CNTN1: variants seen among roughly 807,000 people sequenced by gnomAD.
The protein encoded by CNTN1 is contactin-1.
Under a neutral mutation model 126.4 loss-of-function variants are expected in CNTN1, and 38 were observed. That is an observed-to-expected ratio of 0.30 (90% CI 0.23 to 0.39). The LOEUF is 0.39. CNTN1 is among the 10% of genes least tolerant of loss of function. CNTN1 has a pLI of 1.00. For synonymous variants in CNTN1, 413 were observed against 422.6 expected, an observed-to-expected ratio of 0.98 and a Z score of 0.28; for missense variants, 1,009 against 1,248.4, an observed-to-expected ratio of 0.81 and a Z score of 2.89.
At chr12:41,022,619 AGAT>A (rs777797515) in intron 20 of CNTN1, among the ~76,000 whole-genome samples, 16 of 152,282 alleles carry the variant, frequency 1.1e-4, no homozygotes, top group Middle Eastern at 3.4e-3. Flanking sequence ...GCAGTGAGGA[AGAT>A]GATGATGATG....
intron 1 of CNTN1, among the ~76,000 whole-genome samples, chr12:40,875,208 G>C (rs933308814): frequency 5.9e-5 from 9 of 152,074 alleles, no homozygotes; most frequent in African/African-American, 1.9e-4. Flanking sequence ...TAAACTTCTT[G>C]TTCTGAGATA....
At chr12:40,991,631 C>A (rs1168059827) in intron 16 of CNTN1, among the ~76,000 whole-genome samples, 2 of 152,126 alleles carry the variant, frequency 1.3e-5, no homozygotes, top group South Asian at 4.1e-4. Context: ...AGATCAAGAC[C>A]ATCCTGGCTA....
At chr12:40,766,284 G>C (rs1286298107) in intron 1 of CNTN1, among the ~76,000 whole-genome samples, 1 of 151,030 alleles carries the variant, frequency 6.6e-6, no homozygotes, top group Non-Finnish European at 1.5e-5. Flanking sequence ...TTGAACCCGG[G>C]AAGTGGTGGT....
chr12:40,941,438 A>G (rs954819967), intron 12 of CNTN1, among the ~76,000 whole-genome samples: 1 of 152,152 alleles, frequency 6.6e-6, no homozygotes, highest in African/African-American at 2.4e-5. Flanking sequence ...GAATATAATT[A>G]TAAACAACAT....
intron 16 of CNTN1, among the ~76,000 whole-genome samples, chr12:40,992,222 G>A (rs978325789): frequency 3.3e-5 from 5 of 152,128 alleles, no homozygotes; most frequent in Admixed American, 6.5e-5. Context: ...TGAGCCATGC[G>A]AGAATTTGTC....
At chr12:40,781,453 C>G (rs1429562125) in intron 1 of CNTN1, among the ~76,000 whole-genome samples, 2 of 151,916 alleles carry the variant, frequency 1.3e-5, no homozygotes, top group Non-Finnish European at 2.9e-5. Context: ...GTCAGAGATT[C>G]CTGGGTGAAC....
intron 1 of CNTN1, among the ~76,000 whole-genome samples, chr12:40,698,120 G>A (rs560398743): frequency 3.9e-5 from 6 of 152,016 alleles, no homozygotes; most frequent in Non-Finnish European, 8.8e-5. Context: ...TTTATGAGAG[G>A]CAGGTTTGCC....
At chr12:41,049,312 T>C (rs1056913456) in intron 23 of CNTN1, among the ~76,000 whole-genome samples, 1 of 152,248 alleles carries the variant, frequency 6.6e-6, no homozygotes, top group African/African-American at 2.4e-5. Context: ...CTTCTCTGAT[T>C]TATTCAGCTG....
chr12:41,042,730 C>T (rs1250591614), intron 23 of CNTN1, among the ~76,000 whole-genome samples: 2 of 152,136 alleles, frequency 1.3e-5, no homozygotes, highest in Non-Finnish European at 2.9e-5. Flanking sequence ...GGAGGCATCA[C>T]ACTACCTGAC....
rs766807342 is a variant in CNTN1 at position 40,971,560 on chromosome 12, T to C, written c.1805-9349T>C. On this transcript the variant is annotated intron_variant, in intron 15 of 23. Coordinates refer to ENST00000551295, the MANE Select transcript of CNTN1 (RefSeq NM_001843.4). ...GTGAAAGACTTTTTTTTTTTTAACA[T>C]ATTATACTAGATTTGACTAACTCAA... is the stretch of plus-strand genomic sequence containing the variant. The C allele has an allele frequency of 2.4e-5, 37 of 1,565,862 alleles. 1 individual carries two copies. Among genetic ancestry groups the C allele is most frequent in the Non-Finnish European group, 3.2e-5 (37 of 1,163,330 alleles).
intron 2 of CNTN1, among the ~76,000 whole-genome samples, chr12:40,909,816 A>C (rs1944964645): frequency 6.6e-6 from 1 of 151,782 alleles, no homozygotes; most frequent in South Asian, 2.1e-4. Context: ...TATTTTTGTG[A>C]ATAAAATAAA....
At chr12:40,744,500 T>TACCTCAGTGGCTACC (rs1263933247) in intron 1 of CNTN1, among the ~76,000 whole-genome samples, 1 of 152,058 alleles carries the variant, frequency 6.6e-6, no homozygotes, top group African/African-American at 2.4e-5. Context: ...CATAAAATGC[T>TACCTCAGTGGCTACC]ACAGAGGGCC....
At chr12:41,028,078 C>A in intron 22 of CNTN1, 109 bp downstream of exon 22, 1 of 761,468 alleles carries the variant, frequency 1.3e-6, no homozygotes, top group Non-Finnish European at 2.3e-6. Flanking sequence ...GTCACCCAGA[C>A]CGGAGTGCAG....
intron 1 of CNTN1, among the ~76,000 whole-genome samples, chr12:40,776,610 A>C (rs563491789): frequency 6.6e-6 from 1 of 151,826 alleles, no homozygotes; most frequent in East Asian, 1.9e-4. Flanking sequence ...ACAAACAAAA[A>C]TCTTTCTCTA....
At chr12:40,859,416 C>G (rs1202104333) in intron 1 of CNTN1, among the ~76,000 whole-genome samples, 1 of 151,860 alleles carries the variant, frequency 6.6e-6, no homozygotes, top group Non-Finnish European at 1.5e-5. Context: ...ACTGTGTGGG[C>G]AGATGAAGGG....
intron 23 of CNTN1, among the ~76,000 whole-genome samples, chr12:41,037,541 G>T (rs1949292897): frequency 6.6e-6 from 1 of 152,044 alleles, no homozygotes; most frequent in African/African-American, 2.4e-5. Flanking sequence ...CAATGAGGAA[G>T]TTGCCTAATG....
intron 1 of CNTN1, among the ~76,000 whole-genome samples, chr12:40,755,743 G>C (rs1470086819): frequency 3.3e-5 from 5 of 151,922 alleles, no homozygotes; most frequent in Non-Finnish European, 7.4e-5. Context: ...TTCCTGGAGT[G>C]ATTAGAGTAG....
chr12:40,779,092 T>C (rs765924957), intron 1 of CNTN1, among the ~76,000 whole-genome samples: 3 of 151,812 alleles, frequency 2.0e-5, no homozygotes, highest in Admixed American at 1.3e-4. Context: ...GACTTTAGTT[T>C]CCACATTTCT....
At position 40,726,953 on chromosome 12, in the gene CNTN1, TTAAA is replaced by T. The variant is rs1282518532; in HGVS notation, c.-77+34366_-77+34369del. ...TTAATTATGAAAAATCTAAATAAAA[TTAAA>T]TAAAAAATTCTAATCTGATTTTTAA... On this transcript the variant is annotated intron_variant, in intron 1 of 23. Coordinates refer to ENST00000551295, the MANE Select transcript of CNTN1 (RefSeq NM_001843.4). Among the ~76,000 whole-genome samples the T allele has an allele frequency of 2.7e-5, 4 of 150,490 alleles. No individual in the cohort carries two copies. The East Asian group carries it at 5.8e-4, about 22-fold the overall frequency.
Sources: allele counts gnomAD v4.1 joint callset (sites outside exome capture counted in the v4.1 genomes callset), GRCh38; gene constraint gnomAD v4.1.1; transcripts MANE v1.5; gene names NCBI Gene and HGNC (gene_info 2026-07-23, HGNC 2026-07-21).